The following PALM2AKAP2 variants were observed in gnomAD, a reference collection of about 807,000 sequenced individuals.
PALM2AKAP2 encodes the protein PALM2-AKAP2 fusion protein.
In PALM2AKAP2, 37 loss-of-function variants were observed where a neutral mutation model predicts 71.5. The ratio of observed to expected loss-of-function variants is 0.52; its 90% CI spans 0.40 to 0.68. The LOEUF (loss-of-function observed/expected upper bound fraction) is 0.68, where lower values mean the gene tolerates loss of function less well. PALM2AKAP2 is among the 30% of genes least tolerant of loss of function. The pLI is 0.00. For missense variants in PALM2AKAP2, 1,224 were observed against 1,191.8 expected, an observed-to-expected ratio of 1.03 and a Z score of -0.40; for synonymous variants, 468 against 478.8, an observed-to-expected ratio of 0.98 and a Z score of 0.29.
At chr9:110,046,763 C>T (rs901006319), upstream of PALM2AKAP2, among the ~76,000 whole-genome samples, 5 of 152,094 alleles carry the variant, frequency 3.3e-5, no homozygotes, top group Non-Finnish European at 7.3e-5. Context: ...CCACTTCACC[C>T]GGCCTTGCTT....
rs562136098 is a variant in PALM2AKAP2 at position 109,715,284 on chromosome 9, T to C, written c.6-65204T>C. ...TAGAGAATTTGGAAATGTACAAAAG[T>C]GGTCCAGTCAAAAAGGTTTTGGGGA... On this transcript the variant is annotated intron_variant, in intron 1 of 6. Transcript: ENST00000374531. Among the ~76,000 whole-genome samples the C allele has an allele frequency of 5.1e-4, 77 of 152,308 alleles. No homozygotes were observed. In the South Asian group the frequency reaches 0.015, roughly 30 times the overall value.
At chr9:109,889,584 C>T (rs1199263230) in intron 3 of PALM2AKAP2, among the ~76,000 whole-genome samples, 1 of 152,182 alleles carries the variant, frequency 6.6e-6, no homozygotes. Context: ...CTGAAAAAAT[C>T]TAGATGCTTA....
intron 6 of PALM2AKAP2, among the ~76,000 whole-genome samples, chr9:109,954,240 T>C (rs571181168): frequency 6.6e-6 from 1 of 152,188 alleles, no homozygotes; most frequent in South Asian, 2.1e-4. Context: ...CTGATGATGG[T>C]ATTGTTACTA....
chr9:109,824,467 C>T (rs1564165655), intron 1 of PALM2AKAP2, among the ~76,000 whole-genome samples: 1 of 152,190 alleles, frequency 6.6e-6, no homozygotes, highest in Non-Finnish European at 1.5e-5. Flanking sequence ...TTTCTTCTTT[C>T]CAAAGTCTTG....
chr9:109,846,143 A>T (rs1465209737), intron 1 of PALM2AKAP2, among the ~76,000 whole-genome samples: 3 of 152,106 alleles, frequency 2.0e-5, no homozygotes, highest in Non-Finnish European at 4.4e-5. Context: ...AAGAAGTGGC[A>T]GCCGGGTAGG....
chr9:109,944,891 CTTAACT>C (rs1831465913), intron 6 of PALM2AKAP2: 1 of 152,234 alleles, frequency 6.6e-6, no homozygotes, highest in African/African-American at 2.4e-5. Context: ...TAAGAGTTAT[CTTAACT>C]TTAAGTTATT....
At chr9:109,698,679 A>G (rs1259540483) in intron 1 of PALM2AKAP2, among the ~76,000 whole-genome samples, 1 of 152,318 alleles carries the variant, frequency 6.6e-6, no homozygotes, top group South Asian at 2.1e-4. Flanking sequence ...ATATCCATTC[A>G]GAGACGGCAC....
At chr9:109,854,474 C>T (rs1195657324) in intron 1 of PALM2AKAP2, among the ~76,000 whole-genome samples, 1 of 152,202 alleles carries the variant, frequency 6.6e-6, no homozygotes, top group Non-Finnish European at 1.5e-5. Context: ...AGTAGCTTTG[C>T]TTTAATCTGA....
At chr9:109,697,358 T>A (rs1414575600) in intron 1 of PALM2AKAP2, among the ~76,000 whole-genome samples, 1 of 152,190 alleles carries the variant, frequency 6.6e-6, no homozygotes, top group Non-Finnish European at 1.5e-5. Context: ...TATCTCTGCA[T>A]AACAGTGTTT....
At chr9:110,166,335 C>T (rs1040954974) in intron 3 of PALM2AKAP2, among the ~76,000 whole-genome samples, 1 of 152,192 alleles carries the variant, frequency 6.6e-6, no homozygotes, top group Non-Finnish European at 1.5e-5. Flanking sequence ...TCTGAGTCCA[C>T]AGTGCCTTCT....
At chr9:109,970,753 G>A (rs1208767305) in intron 6 of PALM2AKAP2, among the ~76,000 whole-genome samples, 2 of 152,200 alleles carry the variant, frequency 1.3e-5, no homozygotes, top group African/African-American at 4.8e-5. Flanking sequence ...AAAGACTGAA[G>A]TTAATAAGTG....
At position 109,756,670 on chromosome 9, in the gene PALM2AKAP2, CTG is replaced by C. The variant is rs1259074396; in HGVS notation, c.6-23816_6-23815del. On this transcript the variant is annotated intron_variant, in intron 1 of 6. Coordinates refer to the PALM2AKAP2 transcript ENST00000374531. ...GCCAGTTGTGGGATATGGATTCAAA[CTG>C]TAGTTAATTTCTCCCCAGAAGTTAA... Among the ~76,000 whole-genome samples, 6 of 152,264 alleles carry C rather than the reference CTG, an allele frequency of 3.9e-5. No homozygotes were observed. In the East Asian group the frequency reaches 1.2e-3, roughly 29 times the overall value.
intron 1 of PALM2AKAP2, among the ~76,000 whole-genome samples, chr9:109,706,837 T>TA (rs1430675273): frequency 1.3e-5 from 2 of 152,212 alleles, no homozygotes; most frequent in Non-Finnish European, 2.9e-5. Context: ...CCATTTATTT[T>TA]AAATGTCCAG....
At chr9:110,155,142 T>A (rs1159343526) in intron 2 of PALM2AKAP2, among the ~76,000 whole-genome samples, 1 of 152,188 alleles carries the variant, frequency 6.6e-6, no homozygotes, top group Non-Finnish European at 1.5e-5. Flanking sequence ...CAGGCTTCAC[T>A]TGTGATTCCT....
At chr9:109,672,365 G>A (rs112832791) in intron 1 of PALM2AKAP2, among the ~76,000 whole-genome samples, 3 of 152,158 alleles carry the variant, frequency 2.0e-5, no homozygotes, top group Admixed American at 6.5e-5. Flanking sequence ...ATAATAATGC[G>A]GTTTTTGTCT....
intron 2 of PALM2AKAP2, among the ~76,000 whole-genome samples, chr9:110,140,569 CTTA>C (rs1836003017): frequency 6.6e-6 from 1 of 152,170 alleles, no homozygotes; most frequent in South Asian, 2.1e-4. Flanking sequence ...CTTTTTAATT[CTTA>C]TTTAATAAAA....
chr9:110,168,431 G>A, exon 4 of PALM2AKAP2: 1 of 1,614,146 alleles, frequency 6.2e-7, no homozygotes, highest in Non-Finnish European at 8.5e-7. Flanking sequence ...ATCGAAGAAA[G>A]AGCGCACTGG....
chr9:110,069,810 A>G (rs1834165187), intron 1 of PALM2AKAP2, among the ~76,000 whole-genome samples: 2 of 152,244 alleles, frequency 1.3e-5, no homozygotes, highest in South Asian at 4.1e-4. Flanking sequence ...GGTCAGTCAC[A>G]TGCACCGGCT....
At chr9:109,665,861 C>A (rs1827474795) in intron 1 of PALM2AKAP2, among the ~76,000 whole-genome samples, 1 of 152,242 alleles carries the variant, frequency 6.6e-6, no homozygotes, top group Non-Finnish European at 1.5e-5. Context: ...TCGAGCTTCC[C>A]TGCTGCTTTG....
Sources: allele counts gnomAD v4.1 joint callset (sites outside exome capture counted in the v4.1 genomes callset), GRCh38; gene constraint gnomAD v4.1.1; transcripts MANE v1.5; gene names NCBI Gene and HGNC (gene_info 2026-07-23, HGNC 2026-07-21).